The following DNAAF1 variants were observed in gnomAD, a reference collection of about 807,000 sequenced individuals.
DNAAF1 encodes dynein axonemal assembly factor 1.
In DNAAF1, 65 loss-of-function variants were observed where a neutral mutation model predicts 71.1. That is an observed-to-expected ratio of 0.91 (90% CI 0.75 to 1.12). DNAAF1 has a LOEUF of 1.12. DNAAF1 is among the 50% of genes most tolerant of loss of function. DNAAF1 has a pLI of 0.00. For synonymous variants in DNAAF1, 414 were observed against 354.6 expected (o/e 1.17, Z -1.88); for missense variants, 1,178 against 899.8 (o/e 1.31, Z -3.96).
chr16:84,176,470 T>G, intron 11 of DNAAF1, 171 bp downstream of exon 11: 1 of 1,060,752 alleles, frequency 9.4e-7, no homozygotes, highest in Non-Finnish European at 1.4e-6. Flanking sequence ...TTCACGGGTC[T>G]GAAGCTGCCA....
At chr16:84,156,475 C>T (rs1001304755) in intron 5 of DNAAF1, among the ~76,000 whole-genome samples, 1 of 152,230 alleles carries the variant, frequency 6.6e-6, no homozygotes, top group Non-Finnish European at 1.5e-5. Flanking sequence ...CAGCTCCTCA[C>T]ATCCGGGAGC....
chr16:84,155,490 A>G (rs2087383519), intron 4 of DNAAF1, 93 bp from the exon 5 acceptor site: 1 of 1,423,080 alleles, frequency 7.0e-7, no homozygotes, highest in South Asian at 1.2e-5. Flanking sequence ...TTAGCCTTCC[A>G]AAGTGCTGGG....
chr16:84,150,616 C>CTTTTTTTTTT (rs754336069), intron 3 of DNAAF1, among the ~76,000 whole-genome samples: 1 of 130,354 alleles, frequency 7.7e-6, no homozygotes, highest in Non-Finnish European at 1.6e-5. Context: ...TCTTTTCTTT[C>CTTTTTTTTTT]TTTTTTTTTT....
chr16:84,167,737 C>T (rs985888740), intron 7 of DNAAF1, among the ~76,000 whole-genome samples: 4 of 152,078 alleles, frequency 2.6e-5, no homozygotes, highest in South Asian at 4.1e-4. Flanking sequence ...CAAATCTGGC[C>T]GGGTGTGGTG....
Position 84,151,472 on chromosome 16 carries a change from G to GA in DNAAF1, c.352+1131dup, listed in dbSNP as rs555828638. On this transcript the variant is annotated intron_variant, in intron 3 of 11. Coordinates refer to ENST00000378553, the MANE Select transcript of DNAAF1 (RefSeq NM_178452.6). Reference sequence around the variant, plus strand: ...CATAGCAGTGAGTAAGATGATGTAGGAGGACAGACTGCCGGGGGACTGATA... The same window carrying GA: ...CATAGCAGTGAGTAAGATGATGTAGGAAGGACAGACTGCCGGGGGACTGATA... Among the ~76,000 whole-genome samples, 6 of 152,304 alleles carry GA rather than the reference G, an allele frequency of 3.9e-5. No homozygotes were observed. In the South Asian group the frequency reaches 1.0e-3, roughly 26 times the overall value.
chr16:84,170,300 A>G lies in DNAAF1; in HGVS notation c.1472A>G (p.Glu491Gly). The change falls in exon 8 of 12, where the codon GAG (glutamate) becomes GGG (glycine). Residue 491 changes from glutamate (E) to glycine (G), a missense_variant. By Grantham distance (98) the Glu-to-Gly change is moderately conservative (BLOSUM62 -2). Transcript: ENST00000378553. ...VKGEDGDREPEGTLPAEAPPP... is the reference protein window; with the variant it reads ...VKGEDGDREPGGTLPAEAPPP... ...GGAGAGGATGGAGATCGAGAGCCAG[A>G]GGGGACCCTCCCAGCTGAGGCCCCA... is the stretch of plus-strand genomic sequence containing the variant. 1 of 1,612,140 alleles carries G rather than the reference A, an allele frequency of 6.2e-7. No homozygotes were observed. The highest frequency in any genetic ancestry group is 8.5e-7 in the Non-Finnish European group (1 of 1,179,104).
Position 84,145,559 on chromosome 16 carries a change from A to G in DNAAF1, c.119A>G (p.Lys40Arg). 2 of 1,547,870 alleles carry G rather than the reference A, an allele frequency of 1.3e-6. No homozygotes were observed. Among genetic ancestry groups the G allele is most frequent in the Non-Finnish European group, 1.7e-6 (2 of 1,146,744 alleles). Residue 40 changes from lysine to arginine, a missense_variant, in exon 1 of 12, where the codon AAG becomes AGG. Transcript: ENST00000378553. The stretch of plus-strand genomic sequence containing the variant: ...GGGAGCGCAGGCCGAGGGGGCTGCA[A>G]GGAAGGTGCCGACTGCCCCCCAGGG... ...DHGSAGRGGC[K>R]EEINDPKEIC...
intron 5 of DNAAF1, 57 bp from the exon 6 acceptor site, chr16:84,159,618 A>G: frequency 1.3e-6 from 2 of 1,559,076 alleles, no homozygotes; most frequent in Non-Finnish European, 1.7e-6. Context: ...CAGCACATAT[A>G]AAATAATTCA....
intron 9 of DNAAF1, chr16:84,173,230 G>C: frequency 1.1e-6 from 1 of 939,146 alleles, no homozygotes; most frequent in Non-Finnish European, 1.3e-6. Context: ...TTGGGAGGCC[G>C]AGGTGGCTGG....
At chr16:84,148,409 T>C (rs1446004019) in intron 1 of DNAAF1, among the ~76,000 whole-genome samples, 1 of 151,994 alleles carries the variant, frequency 6.6e-6, no homozygotes, top group East Asian at 1.9e-4. Flanking sequence ...TGGATGGACA[T>C]TTACGTTGTT....
chr16:84,173,080 A>T, intron 9 of DNAAF1: 1 of 986,924 alleles, frequency 1.0e-6, no homozygotes, highest in Non-Finnish European at 1.2e-6. Context: ...TACCTTGGAG[A>T]GGTGGTCCCC....
chr16:84,172,171 C>T (rs115313974), intron 8 of DNAAF1, 89 bp from the exon 9 acceptor site: 2 of 1,278,288 alleles, frequency 1.6e-6, no homozygotes, highest in African/African-American at 1.5e-5. Flanking sequence ...GCCACCGAGC[C>T]CGGCCCTTGG....
intron 5 of DNAAF1, among the ~76,000 whole-genome samples, chr16:84,157,634 G>C (rs1166218681): frequency 6.6e-6 from 1 of 151,868 alleles, no homozygotes; most frequent in Non-Finnish European, 1.5e-5. Context: ...GTGTCTATGT[G>C]TTGTCGTGTG....
intron 5 of DNAAF1, among the ~76,000 whole-genome samples, chr16:84,157,902 A>T (rs1375813052): frequency 2.6e-5 from 4 of 152,090 alleles, no homozygotes; most frequent in African/African-American, 9.7e-5. Context: ...GGGTGGCTTA[A>T]CCAATACAAA....
At chr16:84,175,744 G>A (rs1369580885) in intron 10 of DNAAF1, 189 bp from the exon 11 acceptor site, 5 of 666,318 alleles carry the variant, frequency 7.5e-6, no homozygotes, top group Non-Finnish European at 1.3e-5. Flanking sequence ...GCATAGACAT[G>A]AGCTGTGCCC....
At position 84,150,359 on chromosome 16, in the gene DNAAF1, G is replaced by C. The variant is rs142704524; in HGVS notation, c.352+17G>C. The C allele has an allele frequency of 0.017, 26,221 of 1,567,880 alleles. 280 individuals are homozygous for C. The highest frequency in any genetic ancestry group is 0.019 in the Non-Finnish European group (21,983 of 1,137,892). On this transcript the variant is annotated intron_variant, in intron 3 of 11. Transcript: ENST00000378553. The stretch of plus-strand genomic sequence containing the variant: ...ACTTTAAAGGTAAGGACCTAAGAGA[G>C]GAAGTGCTTCACGTCAGGTGGAAAG...
chr16:84,163,875 T>C (rs76434918), intron 6 of DNAAF1, among the ~76,000 whole-genome samples: 1 of 149,476 alleles, frequency 6.7e-6, no homozygotes, highest in Non-Finnish European at 1.5e-5. Flanking sequence ...TTTTTTTTTG[T>C]GGGGGACAGC....
At chr16:84,164,777 TACTC>T (rs1448766915) in intron 6 of DNAAF1, among the ~76,000 whole-genome samples, 1 of 152,218 alleles carries the variant, frequency 6.6e-6, no homozygotes, top group African/African-American at 2.4e-5. Context: ...TTTGAGTAAA[TACTC>T]AGGAGCACAA....
chr16:84,170,044 G>T lies in DNAAF1; in HGVS notation c.1216G>T (p.Glu406Ter). ...GEEPPVEAKREDGGPEPEGTL... is the reference protein window; with the variant it reads ...GEEPPVEAKR ...GGAGCCGCCTGTGGAGGCTAAAAGA[G>T]AGGATGGAGGTCCAGAGCCAGAGGG... The change falls in exon 8 of 12, where the codon GAG becomes TAG. Residue 406 changes from glutamate to a stop codon, truncating the protein, a stop_gained. Coordinates refer to ENST00000378553, the MANE Select transcript of DNAAF1 (RefSeq NM_178452.6). LOFTEE classifies it high-confidence loss of function. 6.2e-7 allele frequency: 1 copy of T among 1,613,880 alleles called. No individual in the cohort carries two copies. The highest frequency in any genetic ancestry group is 8.5e-7 in the Non-Finnish European group (1 of 1,180,030).
Sources: allele counts gnomAD v4.1 joint callset (sites outside exome capture counted in the v4.1 genomes callset), GRCh38; gene constraint gnomAD v4.1.1; transcripts MANE v1.5; gene names NCBI Gene and HGNC (gene_info 2026-07-23, HGNC 2026-07-21).